The following JAK3 variants were observed in gnomAD, a reference collection of about 807,000 sequenced individuals.
The protein encoded by JAK3 is Janus kinase 3.
A neutral mutation model predicts 120.8 loss-of-function variants in JAK3; 88 were observed. That is an observed-to-expected ratio of 0.73 (90% CI 0.61 to 0.87). The LOEUF is 0.87. JAK3 is among the 40% of genes least tolerant of loss of function. JAK3 has a pLI of 0.00. For synonymous variants in JAK3, 592 were observed against 628.6 expected (o/e 0.94, Z 0.87); for missense variants, 1,254 against 1,501.4 (o/e 0.84, Z 2.72).
chr19:17,829,886 T>G, intron 23 of JAK3: 1 of 621,394 alleles, frequency 1.6e-6, no homozygotes. Flanking sequence ...CCTCACCCTA[T>G]AAGGCATTAC....
At position 17,842,433 on chromosome 19, in the gene JAK3, G is replaced by A. The variant is rs768699076; in HGVS notation, c.744C>T (p.Ala248=). 4.4e-6 allele frequency: 7 copies of A among 1,585,486 alleles called. No individual in the cohort carries two copies. Among genetic ancestry groups the A allele is most frequent in the African/African-American group, 1.3e-5 (1 of 74,402 alleles). Residue 248 remains alanine (A), a synonymous_variant, in exon 6 of 24, where the codon GCC becomes GCT. Transcript: ENST00000458235. This position sits in a 1 kb window ranked among gnomAD's most constrained non-coding sequence, Gnocchi z 6.4. The part of the protein sequence containing the change: ...YIMDLERLDP[A]GAAETFHVGL... The stretch of plus-strand genomic sequence containing the variant: ...CCACGTGGAAGGTCTCGGCGGCCCC[G>A]GCTGGATCCAGCCGCTCCAGGTCCA...
In JAK3 at chr19:17,830,021, T is replaced by C. The variant is rs750731133; in HGVS notation, c.3207+87A>G. On this transcript the variant is annotated intron_variant, in intron 23 of 23. Coordinates refer to ENST00000458235, the MANE Select transcript of JAK3 (RefSeq NM_000215.4). ...CTCACACTCTAGCCTTTCTTCTCAG[T>C]ACAGAGACTCAGGCGCCAGCTGGCT... is the stretch of plus-strand genomic sequence containing the variant. 2.2e-3 allele frequency: 2,104 copies of C among 944,034 alleles called. 32 individuals carry two copies. The African/African-American group carries it at 0.029, about 13-fold the overall frequency. 58.5% of individuals were successfully genotyped at this position (944,034 alleles called of 1,614,324 possible). A position where few individuals can be genotyped will look rare whatever the true frequency, so the allele number is the denominator to read the frequency against.
chr19:17,838,043 C>A lies in JAK3; in HGVS notation c.1590G>T (p.Gly530=), dbSNP rs756242846. 2 of 1,614,000 alleles carry A rather than the reference C, an allele frequency of 1.2e-6. No individual in the cohort carries two copies. Among genetic ancestry groups the A allele is most frequent in the Non-Finnish European group, 1.7e-6 (2 of 1,180,046 alleles). The stretch of plus-strand genomic sequence containing the variant: ...AGCCCCGGTAAATCTTGGTGAAGGA[C>A]CCATGGCCCAGGTTCTCATGCTGAA... The part of the protein sequence containing the change: ...SLEWHENLGH[G]SFTKIYRGCR... Residue 530 remains glycine, a synonymous_variant, in exon 12 of 24, where the codon GGG becomes GGT. Transcript: ENST00000458235.
chr19:17,840,648 A>G (rs2094236088), intron 8 of JAK3, among the ~76,000 whole-genome samples: 1 of 151,764 alleles, frequency 6.6e-6, no homozygotes, highest in African/African-American at 2.4e-5. Flanking sequence ...CTGTAGTCCC[A>G]GCTACTCGGG....
Position 17,839,560 on chromosome 19 carries a change from A to G in JAK3, c.1358T>C (p.Leu453Pro). ...LSRPHSSLRE[L>P]LATCWDGGLH... ...CCCCCCATCCCAGCAGGTTGCCAGG[A>G]GCTCTCGAAGACTGCTGTGGGGTCG... The change falls in exon 10 of 24, where the codon CTC becomes CCC. Residue 453 changes from leucine to proline, a missense_variant. Physicochemically the swap from Leu to Pro is moderately conservative, Grantham distance 98. Around this residue, in one of 3 missense-constraint regions of JAK3, gnomAD observed 486 missense variants for 503.0 expected, o/e 0.97. Coordinates refer to ENST00000458235, the MANE Select transcript of JAK3 (RefSeq NM_000215.4). 1 of 1,609,146 alleles carries G rather than the reference A, an allele frequency of 6.2e-7. No homozygotes were observed. The highest frequency in any genetic ancestry group is 8.5e-7 in the Non-Finnish European group (1 of 1,178,128).
In JAK3 at chr19:17,836,069, G is replaced by A; in HGVS notation, c.1787-18C>T. Reference sequence around the variant, plus strand: ...CATGGTGCCTGGTTGGCAGCAGGGAGAGGCGGGGTTGGGAGACTGAACTGC... The same window carrying A: ...CATGGTGCCTGGTTGGCAGCAGGGAAAGGCGGGGTTGGGAGACTGAACTGC... On this transcript the variant is annotated intron_variant, in intron 13 of 23. Coordinates refer to ENST00000458235, the MANE Select transcript of JAK3 (RefSeq NM_000215.4). 5.0e-6 allele frequency: 8 copies of A among 1,612,904 alleles called. No individual in the cohort carries two copies. The highest frequency in any genetic ancestry group is 6.8e-6 in the Non-Finnish European group (8 of 1,179,990).
chr19:17,837,844 G>T, intron 12 of JAK3, 88 bp downstream of exon 12: 1 of 1,581,570 alleles, frequency 6.3e-7, no homozygotes, highest in South Asian at 1.1e-5. Flanking sequence ...CCACGCCCAG[G>T]TCCCTGTGTG....
chr19:17,831,112 G>C lies in JAK3; in HGVS notation c.2978+116C>G. 6.3e-6 allele frequency: 7 copies of C among 1,116,158 alleles called. No homozygotes were observed. In the South Asian group the frequency reaches 8.8e-5, roughly 14 times the overall value. 69.1% of individuals were successfully genotyped at this position (1,116,158 alleles called of 1,614,324 possible). ...AGTGGGAGGGGCCAAAGCTGCAGCG[G>C]AGGAAGGGCGGGGCTAAGGCTGGGG... On this transcript the variant is annotated intron_variant, in intron 21 of 23. Transcript: ENST00000458235. The surrounding 1 kb of genome is among the most constrained non-coding windows in gnomAD (Gnocchi z 5.1).
rs776106625 is a variant in JAK3 at position 17,834,687 on chromosome 19, G to A, written c.2234C>T (p.Pro745Leu). The change falls in exon 17 of 24, where the codon CCG becomes CTG. Residue 745 changes from proline to leucine, a missense_variant. Physicochemically the swap from Pro to Leu is moderately conservative, Grantham distance 98. This residue lies in a region of JAK3 where 630 missense variants were observed against 819.8 expected (regional missense o/e 0.77). Coordinates refer to ENST00000458235, the MANE Select transcript of JAK3 (RefSeq NM_000215.4). The stretch of plus-strand genomic sequence containing the variant: ...GGCCAGCTCTGTCCACTTGGGGGCC[G>A]GCAGCTGCTGCCGGTCCTCATAAAA... ...LQFYEDRQQL[P>L]APKWTELALL... The A allele has an allele frequency of 8.1e-6, 13 of 1,614,008 alleles. No homozygotes were observed. Among genetic ancestry groups the A allele is most frequent in the South Asian group, 4.4e-5 (4 of 91,062 alleles).
rs563843504 is a variant in JAK3 at position 17,830,484 on chromosome 19, C to A, written c.3096+19G>T. 9 of 1,593,724 alleles carry A rather than the reference C, an allele frequency of 5.6e-6. No individual in the cohort carries two copies. The African/African-American group carries it at 1.2e-4, about 21-fold the overall frequency. On this transcript the variant is annotated intron_variant, in intron 22 of 23. Coordinates refer to ENST00000458235, the MANE Select transcript of JAK3 (RefSeq NM_000215.4). Reference sequence around the variant, plus strand: ...CGTGGAGGGAGAAGAAGGCTGGGGGCTCTGGGAAGCCGACTCACGGCCGAG... The same window carrying A: ...CGTGGAGGGAGAAGAAGGCTGGGGGATCTGGGAAGCCGACTCACGGCCGAG...
chr19:17,828,772 CAATA>C (rs1296928176), intron 23 of JAK3, among the ~76,000 whole-genome samples: 19 of 152,172 alleles, frequency 1.2e-4, no homozygotes, highest in African/African-American at 4.3e-4. Flanking sequence ...AGTTGGCACT[CAATA>C]AATGTTTTTG....
intron 22 of JAK3, 34 bp from the exon 23 acceptor site, chr19:17,830,252 G>A: frequency 6.6e-7 from 1 of 1,519,910 alleles, no homozygotes; most frequent in South Asian, 1.2e-5. Flanking sequence ...TGGTGGGGGA[G>A]GAGCCTCCGT....
At chr19:17,827,321 A>G (rs2094205693) in intron 23 of JAK3, among the ~76,000 whole-genome samples, 1 of 151,496 alleles carries the variant, frequency 6.6e-6, no homozygotes, top group African/African-American at 2.4e-5. Context: ...CTCTGCTCCA[A>G]AAACTCCCAT....
At position 17,832,636 on chromosome 19, in the gene JAK3, TC is replaced by T; in HGVS notation, c.2562del (p.Lys855AsnfsTer116). On this transcript the variant is annotated frameshift_variant, in exon 19 of 24. Coordinates refer to ENST00000458235, the MANE Select transcript of JAK3 (RefSeq NM_000215.4). LOFTEE classifies it high-confidence loss of function. This position sits in a 1 kb window ranked among gnomAD's most constrained non-coding sequence, Gnocchi z 4.7. ...TCTGGCCCGCTGTGCTGCAGCTGTTTCACGGCCACCAGGGCACCTGTATTGT... is the reference window on the plus strand; with the variant it reads ...TCTGGCCCGCTGTGCTGCAGCTGTTTACGGCCACCAGGGCACCTGTATTGT... ...LGDNTGALVA[V>X]KQLQHSGPDQ... 6.2e-7 allele frequency: 1 copy of T among 1,614,244 alleles called. No homozygotes were observed.
In JAK3 at chr19:17,847,972, G is replaced by A. The variant is rs1188246452; in HGVS notation, c.-40C>T. The stretch of plus-strand genomic sequence containing the variant: ...TAGCGGGCAGGGACCCTGGACTTTC[G>A]AAGGGCGGGCAGAGCCGGGAGGCAG... On this transcript the variant is annotated 5_prime_UTR_variant, in exon 1 of 24. Transcript: ENST00000458235. The A allele has an allele frequency of 1.4e-5, 15 of 1,038,950 alleles. No homozygotes were observed. The highest frequency in any genetic ancestry group is 1.7e-5 in the Non-Finnish European group (15 of 861,340). The allele number at this position is 1,038,950 out of a possible 1,614,324, so 64.4% of individuals were successfully genotyped here.
intron 21 of JAK3, 42 bp from the exon 22 acceptor site, chr19:17,830,662 G>T: frequency 6.5e-7 from 1 of 1,537,256 alleles, no homozygotes; most frequent in Non-Finnish European, 9.0e-7. Flanking sequence ...GGTGTAGAAA[G>T]GACAGGAAGA....
Position 17,826,571 on chromosome 19 carries a change from G to A in JAK3, c.*172C>T, listed in dbSNP as rs760826830. 2.8e-6 allele frequency: 2 copies of A among 725,362 alleles called. No homozygotes were observed. The highest frequency in any genetic ancestry group is 4.9e-6 in the Non-Finnish European group (2 of 405,008). 44.9% of individuals were successfully genotyped at this position (725,362 alleles called of 1,614,324 possible). ...GTCTTGAACCTTAACAAATTGCAAA[G>A]GCCACAGGCTATTCTACAGGCCACG... On this transcript the variant is annotated 3_prime_UTR_variant, in exon 24 of 24. Coordinates refer to ENST00000458235, the MANE Select transcript of JAK3 (RefSeq NM_000215.4).
chr19:17,833,123 C>A (rs1402091625), intron 17 of JAK3, among the ~76,000 whole-genome samples, 194 bp from the exon 18 acceptor site: 1 of 152,248 alleles, frequency 6.6e-6, no homozygotes, highest in African/African-American at 2.4e-5. Context: ...AAGGAAGCCT[C>A]CTCGTGCAGT....
Position 17,841,784 on chromosome 19 carries a change from G to A in JAK3, c.862-22C>T. On this transcript the variant is annotated intron_variant, in intron 6 of 23. Coordinates refer to ENST00000458235, the MANE Select transcript of JAK3 (RefSeq NM_000215.4). The surrounding 1 kb of genome is among the most constrained non-coding windows in gnomAD (Gnocchi z 4.1). ...GGACCTGGGAAGGAGGGGGAGTACC[G>A]AAGTGGGGGCCCAGCTGGACCCCGC... 6.2e-7 allele frequency: 1 copy of A among 1,600,506 alleles called. No individual in the cohort carries two copies. Among genetic ancestry groups the A allele is most frequent in the Non-Finnish European group, 8.5e-7 (1 of 1,179,810 alleles).
Sources: allele counts gnomAD v4.1 joint callset (sites outside exome capture counted in the v4.1 genomes callset), GRCh38; gene constraint gnomAD v4.1.1; regional missense constraint gnomAD v4.1.1; non-coding constraint Gnocchi (gnomAD v3.1); transcripts MANE v1.5; gene names NCBI Gene and HGNC (gene_info 2026-07-23, HGNC 2026-07-21).